Variants in SHISA9 observed in about 807,000 individuals in gnomAD.
SHISA9 encodes the protein protein shisa-9.
In SHISA9, 13 loss-of-function variants were observed where a neutral mutation model predicts 38.0. The ratio of observed to expected loss-of-function variants is 0.34; its 90% confidence interval spans 0.22 to 0.54. SHISA9 has a LOEUF of 0.54. Among genes scored for constraint, SHISA9 ranks in the 20% least tolerant of loss-of-function variants. The pLI, the probability that SHISA9 is intolerant of heterozygous loss-of-function variation, is 0.91. For missense variants in SHISA9, 538 were observed against 575.8 expected (o/e 0.93, Z 0.67); for synonymous variants, 275 against 242.0 (o/e 1.14, Z -1.27).
At chr16:13,258,597 G>A in the SHISA9 span, among the ~76,000 whole-genome samples, 1 of 152,128 alleles carries the variant, frequency 6.6e-6, no homozygotes, top group Non-Finnish European at 1.5e-5. Flanking sequence ...CCGAAACTGG[G>A]AACAAAAAGA....
the SHISA9 span, among the ~76,000 whole-genome samples, chr16:13,377,104 C>T: frequency 6.6e-6 from 1 of 152,190 alleles, no homozygotes; most frequent in Non-Finnish European, 1.5e-5. Context: ...TCTCACCACC[C>T]AACGAGGGCA....
At chr16:13,316,638 A>T in the SHISA9 span, among the ~76,000 whole-genome samples, 3 of 152,216 alleles carry the variant, frequency 2.0e-5, no homozygotes, top group Non-Finnish European at 4.4e-5. Context: ...CTAAGAAAAA[A>T]AACCCTCCAT....
chr16:13,068,228 G>A (rs889661811), intron 2 of SHISA9, among the ~76,000 whole-genome samples: 4 of 152,172 alleles, frequency 2.6e-5, no homozygotes, highest in African/African-American at 7.2e-5. Context: ...TCTCCATTGT[G>A]ATGTGGGCCA....
At chr16:13,209,915 C>G (rs931022936) in intron 3 of SHISA9, among the ~76,000 whole-genome samples, 1 of 152,078 alleles carries the variant, frequency 6.6e-6, no homozygotes, top group Non-Finnish European at 1.5e-5. Flanking sequence ...CCTGGTTAAC[C>G]CAGTGAAACC....
At chr16:13,220,990 C>A (rs573185950) in intron 4 of SHISA9, among the ~76,000 whole-genome samples, 9 of 151,634 alleles carry the variant, frequency 5.9e-5, no homozygotes, top group Non-Finnish European at 1.3e-4. Flanking sequence ...GCAAAGGCTC[C>A]CTCCTCACTC....
intron 2 of SHISA9, among the ~76,000 whole-genome samples, chr16:13,011,576 C>T (rs1414119071): frequency 6.6e-6 from 1 of 152,130 alleles, no homozygotes; most frequent in African/African-American, 2.4e-5. Context: ...GGCTGGAGTG[C>T]AGTGGTGCCA....
intron 4 of SHISA9, among the ~76,000 whole-genome samples, chr16:13,221,618 C>T (rs760662242): frequency 1.3e-5 from 2 of 152,014 alleles, no homozygotes; most frequent in Non-Finnish European, 2.9e-5. Flanking sequence ...CTTTTTTAAA[C>T]AACTTTATTG....
At chr16:13,174,808 T>A (rs2050717550) in intron 2 of SHISA9, among the ~76,000 whole-genome samples, 1 of 152,130 alleles carries the variant, frequency 6.6e-6, no homozygotes. Flanking sequence ...CCAAGCTGAT[T>A]CCTTTATAAT....
chr16:13,219,961 A>C (rs972315077), intron 4 of SHISA9, among the ~76,000 whole-genome samples: 1 of 152,144 alleles, frequency 6.6e-6, no homozygotes, highest in African/African-American at 2.4e-5. Context: ...CCATCTCAGA[A>C]AAAGAAAAAA....
At chr16:12,918,032 G>A (rs9938652) in intron 2 of SHISA9, among the ~76,000 whole-genome samples, 38,890 of 151,816 alleles carry the variant, frequency 0.26, 5,341 homozygotes, top group Non-Finnish European at 0.31. Context: ...ATGTTTGCAT[G>A]GTTTGAAAAA....
At chr16:13,380,441 A>G in the SHISA9 span, among the ~76,000 whole-genome samples, 1 of 152,288 alleles carries the variant, frequency 6.6e-6, no homozygotes, top group African/African-American at 2.4e-5. Context: ...TTTCCACAGT[A>G]ATGTTAGAAA....
chr16:13,074,668 C>CTTTTTTT (rs947582644), intron 2 of SHISA9, among the ~76,000 whole-genome samples: 1 of 141,112 alleles, frequency 7.1e-6, no homozygotes, highest in African/African-American at 2.6e-5. Context: ...TTTTCTTTTT[C>CTTTTTTT]TTTTTTTTTT....
the SHISA9 span, among the ~76,000 whole-genome samples, chr16:13,345,975 A>T: frequency 2.6e-5 from 4 of 152,242 alleles, no homozygotes; most frequent in Admixed American, 1.3e-4. Context: ...AAATTTTTTT[A>T]AAAATTTCTG....
At chr16:13,327,630 A>G in the SHISA9 span, among the ~76,000 whole-genome samples, 2 of 152,006 alleles carry the variant, frequency 1.3e-5, no homozygotes, top group Non-Finnish European at 2.9e-5. Context: ...AAGAAAAGGC[A>G]TAGCTCTTGC....
At chr16:13,203,659 CTCTT>C (rs1409180593) in intron 3 of SHISA9, 110 bp downstream of exon 3, 2 of 1,151,976 alleles carry the variant, frequency 1.7e-6, no homozygotes, top group African/African-American at 3.1e-5. Flanking sequence ...TTTTCTAGCT[CTCTT>C]TTTTTCTCTT....
At chr16:13,431,619 G>A in the SHISA9 span, among the ~76,000 whole-genome samples, 13 of 152,176 alleles carry the variant, frequency 8.5e-5, no homozygotes, top group South Asian at 2.1e-4. Context: ...TAGTTTACAC[G>A]ATTTTTCTCA....
At chr16:13,069,283 C>A (rs2073479547) in intron 2 of SHISA9, among the ~76,000 whole-genome samples, 1 of 150,896 alleles carries the variant, frequency 6.6e-6, no homozygotes, top group Non-Finnish European at 1.5e-5. Context: ...CGTGTGTGTA[C>A]CTGCAATGTA....
chr16:12,960,801 C>T (rs2071900565), intron 2 of SHISA9, among the ~76,000 whole-genome samples: 1 of 152,204 alleles, frequency 6.6e-6, no homozygotes, highest in African/African-American at 2.4e-5. Context: ...CCAACCCTCT[C>T]TCTCCCTCTC....
the SHISA9 span, among the ~76,000 whole-genome samples, chr16:13,266,678 C>T: frequency 6.6e-6 from 1 of 152,068 alleles, no homozygotes; most frequent in South Asian, 2.1e-4. Context: ...GCTGGAAGTC[C>T]AAGGATAGCT....
Sources: gnomAD v4.1 joint callset for allele counts (sites outside exome capture counted in the v4.1 genomes callset) on GRCh38, gnomAD v4.1.1 for gene constraint, MANE v1.5 for transcripts, NCBI Gene and HGNC (gene_info 2026-07-23, HGNC 2026-07-21) for gene names.